PTPRD: variants seen among roughly 807,000 people sequenced by gnomAD.
PTPRD encodes receptor-type tyrosine-protein phosphatase delta.
A neutral mutation model predicts 214.5 loss-of-function variants in PTPRD; 34 were observed. The ratio of observed to expected loss-of-function variants is 0.16; its 90% confidence interval spans 0.12 to 0.21. The LOEUF (loss-of-function observed/expected upper bound fraction) is 0.21. Ranked by LOEUF, PTPRD falls within the 10% of genes least tolerant of loss-of-function variation. The pLI is 1.00. For synonymous variants in PTPRD, 1,128 were observed against 845.7 expected, an observed-to-expected ratio of 1.33 and a Z score of -5.79; for missense variants, 2,545 against 2,398.7, an observed-to-expected ratio of 1.06 and a Z score of -1.27.
At chr9:8,790,893 C>G (rs1265195556) in intron 11 of PTPRD, among the ~76,000 whole-genome samples, 3 of 152,146 alleles carry the variant, frequency 2.0e-5, no homozygotes, top group African/African-American at 7.2e-5. Context: ...GTCTCACTAT[C>G]CACATTTAAA....
At chr9:10,313,466 C>T (rs945120769) in intron 3 of PTPRD, among the ~76,000 whole-genome samples, 6 of 151,224 alleles carry the variant, frequency 4.0e-5, no homozygotes, top group African/African-American at 1.5e-4. Context: ...ATTTTCACTT[C>T]ACAGTGCTAC....
chr9:8,910,570 T>C (rs568830302), intron 11 of PTPRD, among the ~76,000 whole-genome samples: 77 of 152,240 alleles, frequency 5.1e-4, no homozygotes, highest in African/African-American at 1.9e-3. Flanking sequence ...GCCTTGGGAC[T>C]CTGCAGGAGG....
chr9:9,781,771 G>C (rs780490550), intron 5 of PTPRD, among the ~76,000 whole-genome samples: 1 of 150,778 alleles, frequency 6.6e-6, no homozygotes, highest in Non-Finnish European at 1.5e-5. Context: ...ATTATCTTTT[G>C]ACTAACATTT....
intron 11 of PTPRD, among the ~76,000 whole-genome samples, chr9:8,760,598 C>G (rs12338214): frequency 3.7e-4 from 54 of 145,096 alleles, no homozygotes; most frequent in East Asian, 8.1e-4. Context: ...CTCTCTCTGT[C>G]TGTGTGTGTG....
intron 12 of PTPRD, among the ~76,000 whole-genome samples, chr9:8,718,052 A>T (rs1456025068): frequency 6.6e-6 from 1 of 152,218 alleles, no homozygotes; most frequent in Non-Finnish European, 1.5e-5. Flanking sequence ...GCAGAAAAAG[A>T]TGGACCTGGA....
intron 5 of PTPRD, among the ~76,000 whole-genome samples, chr9:9,904,825 G>C (rs1370376429): frequency 6.6e-6 from 1 of 151,990 alleles, no homozygotes; most frequent in Admixed American, 6.6e-5. Flanking sequence ...GTTCAACCAA[G>C]ATCAAACTCA....
chr9:10,391,593 A>G (rs1404456286), intron 2 of PTPRD, among the ~76,000 whole-genome samples: 9 of 151,780 alleles, frequency 5.9e-5, no homozygotes, highest in African/African-American at 2.2e-4. Context: ...CCTTTAAAAT[A>G]TACCCTGAGT....
chr9:9,315,482 A>G (rs1962255301), intron 9 of PTPRD, among the ~76,000 whole-genome samples: 1 of 152,034 alleles, frequency 6.6e-6, no homozygotes, highest in Non-Finnish European at 1.5e-5. Flanking sequence ...ATCCAATTCC[A>G]AAGTCTATGT....
At chr9:9,828,836 A>G (rs2053874533) in intron 5 of PTPRD, among the ~76,000 whole-genome samples, 1 of 151,938 alleles carries the variant, frequency 6.6e-6, no homozygotes, top group South Asian at 2.1e-4. Context: ...TTCATGCTAG[A>G]AAGAAGATAA....
chr9:8,317,990 A>ATATT (rs1268774075), intron 45 of PTPRD, 48 bp from the exon 46 acceptor site: 9 of 1,540,910 alleles, frequency 5.8e-6, no homozygotes, highest in Non-Finnish European at 8.1e-6. Flanking sequence ...GACCATGAGC[A>ATATT]TATTTTAATA....
At chr9:9,605,843 C>T (rs140373576) in intron 7 of PTPRD, among the ~76,000 whole-genome samples, 1 of 151,984 alleles carries the variant, frequency 6.6e-6, no homozygotes, top group African/African-American at 2.4e-5. Context: ...TTGCATTACA[C>T]GAATTTCCAA....
Position 8,499,783 on chromosome 9 carries a change from T to G in PTPRD, c.2186A>C (p.Lys729Thr). 1 of 1,613,908 alleles carries G rather than the reference T, an allele frequency of 6.2e-7. No individual in the cohort carries two copies. Among genetic ancestry groups the G allele is most frequent in the South Asian group, 1.1e-5 (1 of 91,032 alleles). ...GGGCACGGGTGAGCGCCATGAGACT[T>G]TAACAGATGTTGAGTTGACAGCCTC... ...EVEAVNSTSV[K>T]VSWRSPVPNK... The change falls in exon 25 of 46, where the codon AAA (lysine) becomes ACA (threonine). Residue 729 changes from lysine to threonine, a missense_variant. By Grantham distance (78) the Lys-to-Thr change is moderately conservative (BLOSUM62 -1). Coordinates refer to ENST00000381196, the MANE Select transcript of PTPRD (RefSeq NM_002839.4).
intron 31 of PTPRD, among the ~76,000 whole-genome samples, chr9:8,468,093 C>G (rs978956441): frequency 3.9e-5 from 6 of 151,980 alleles, no homozygotes; most frequent in Admixed American, 6.6e-5. Context: ...GCTAGGGTTT[C>G]TTTAGAAGAC....
chr9:9,612,363 G>T (rs375897631), intron 7 of PTPRD, among the ~76,000 whole-genome samples: 1 of 152,136 alleles, frequency 6.6e-6, no homozygotes, highest in Non-Finnish European at 1.5e-5. Context: ...AAATCTGGTT[G>T]CTGCTGGGCA....
intron 3 of PTPRD, among the ~76,000 whole-genome samples, chr9:10,275,913 A>C (rs984730286): frequency 4.6e-5 from 7 of 152,188 alleles, no homozygotes; most frequent in African/African-American, 1.7e-4. Context: ...GGGGTTTGAG[A>C]GCCAGTGTAA....
intron 11 of PTPRD, among the ~76,000 whole-genome samples, chr9:8,893,653 C>A (rs926629872): frequency 6.6e-6 from 1 of 152,148 alleles, no homozygotes; most frequent in Non-Finnish European, 1.5e-5. Flanking sequence ...AATCATACTT[C>A]CAGGTATGCA....
chr9:9,202,557 G>C (rs1423516889), intron 9 of PTPRD, among the ~76,000 whole-genome samples: 1 of 152,158 alleles, frequency 6.6e-6, no homozygotes, highest in East Asian at 1.9e-4. Context: ...TTGATCAACA[G>C]TCTCCTAACC....
chr9:9,169,132 C>T (rs2099909641), intron 10 of PTPRD, among the ~76,000 whole-genome samples: 2 of 151,954 alleles, frequency 1.3e-5, no homozygotes, highest in African/African-American at 2.4e-5. Context: ...TTATCTAATA[C>T]ACTGTTTGCT....
chr9:10,198,770 C>T (rs896456688), intron 3 of PTPRD, among the ~76,000 whole-genome samples: 27 of 151,956 alleles, frequency 1.8e-4, no homozygotes, highest in African/African-American at 6.3e-4. Flanking sequence ...CCATTATTCC[C>T]AGTGATAATT....
Sources: allele counts gnomAD v4.1 joint callset (sites outside exome capture counted in the v4.1 genomes callset), GRCh38; gene constraint gnomAD v4.1.1; transcripts MANE v1.5; gene names NCBI Gene and HGNC (gene_info 2026-07-23, HGNC 2026-07-21).